Variants in CCDC88A observed in about 807,000 individuals in gnomAD.
CCDC88A encodes the protein coiled-coil and HOOK domain protein 88A.
Under a neutral mutation model 234.3 loss-of-function variants are expected in CCDC88A, and 54 were observed. The ratio of observed to expected loss-of-function variants is 0.23; its 90% confidence interval spans 0.19 to 0.29. The LOEUF is 0.29. CCDC88A is among the 10% of genes least tolerant of loss of function. The pLI, the probability that CCDC88A is intolerant of heterozygous loss-of-function variation, is 1.00. For missense variants in CCDC88A, 1,832 were observed against 2,123.4 expected (o/e 0.86, Z 2.70); for synonymous variants, 753 against 737.8 (o/e 1.02, Z -0.33).
intron 29 of CCDC88A, 156 bp downstream of exon 29, chr2:55,299,683 G>T: frequency 1.7e-6 from 1 of 574,582 alleles, no homozygotes; most frequent in Non-Finnish European, 3.1e-6. Context: ...AAATACATTT[G>T]TATTACAATG....
At chr2:55,293,173 G>C (rs1412344000) in intron 31 of CCDC88A, among the ~76,000 whole-genome samples, 1 of 152,048 alleles carries the variant, frequency 6.6e-6, no homozygotes, top group Non-Finnish European at 1.5e-5. Flanking sequence ...ATTTTGAAGT[G>C]TTATGGTCAG....
At chr2:55,297,675 T>C (rs1277033259) in intron 29 of CCDC88A, among the ~76,000 whole-genome samples, 1 of 151,482 alleles carries the variant, frequency 6.6e-6, no homozygotes, top group Non-Finnish European at 1.5e-5. Context: ...CCTCACAAAG[T>C]GCTGGGATTA....
At chr2:55,322,839 T>C (rs897122821) in intron 17 of CCDC88A, 147 bp from the exon 18 acceptor site, 1 of 440,050 alleles carries the variant, frequency 2.3e-6, no homozygotes, top group South Asian at 7.8e-5. Flanking sequence ...GATTTATGCT[T>C]TTTAAAATGT....
At chr2:55,350,882 C>T (rs934316844) in intron 8 of CCDC88A, among the ~76,000 whole-genome samples, 15 of 152,018 alleles carry the variant, frequency 9.9e-5, no homozygotes, top group African/African-American at 3.6e-4. Flanking sequence ...GAGCTCCTGG[C>T]CTCAAGCAAT....
chr2:55,418,774 T>C, intron 2 of CCDC88A, 42 bp downstream of exon 2: 3 of 1,483,486 alleles, frequency 2.0e-6, no homozygotes, highest in Non-Finnish European at 2.8e-6. Flanking sequence ...CATATGCTAT[T>C]TCTCAAAGAA....
At chr2:55,412,929 G>A (rs951441478) in intron 2 of CCDC88A, among the ~76,000 whole-genome samples, 6 of 152,310 alleles carry the variant, frequency 3.9e-5, no homozygotes, top group African/African-American at 1.2e-4. Flanking sequence ...TCGGCCAGGC[G>A]CAGTGGCTCA....
chr2:55,383,693 C>T (rs1269140498), intron 3 of CCDC88A, among the ~76,000 whole-genome samples: 1 of 151,564 alleles, frequency 6.6e-6, no homozygotes, highest in Middle Eastern at 3.2e-3. Context: ...AATACATCTT[C>T]TCAGGGGCAT....
chr2:55,355,360 T>A (rs561875996), intron 8 of CCDC88A: 2 of 463,106 alleles, frequency 4.3e-6, no homozygotes, highest in South Asian at 2.7e-5. Flanking sequence ...AAAAAATACA[T>A]ACTAGAATGC....
chr2:55,346,565 T>C (rs1436351041), intron 9 of CCDC88A, among the ~76,000 whole-genome samples: 1 of 151,466 alleles, frequency 6.6e-6, no homozygotes, highest in Non-Finnish European at 1.5e-5. Context: ...GATTAAAAGC[T>C]CCCCCCACCA....
rs1372159107 is a variant in CCDC88A, at chr2:55,309,749, C to T, written c.4080-495G>A. Among the ~76,000 whole-genome samples the T allele has an allele frequency of 6.6e-6, 1 of 152,038 alleles. No individual in the cohort carries two copies. Among genetic ancestry groups the T allele is most frequent in the Non-Finnish European group, 1.5e-5 (1 of 68,006 alleles). ...AAGTATTGTCTCTAAGAAAACCCCA[C>T]AATGCCAAAGAATACTATTTACTTC... is the stretch of plus-strand genomic sequence containing the variant. On this transcript the variant is annotated intron_variant, in intron 23 of 32. Coordinates refer to ENST00000436346, the MANE Select transcript of CCDC88A (RefSeq NM_001365480.1). This position sits in a 1 kb window ranked among gnomAD's most constrained non-coding sequence, Gnocchi z 5.1.
intron 2 of CCDC88A, among the ~76,000 whole-genome samples, chr2:55,393,410 C>T (rs1677018289): frequency 6.9e-6 from 1 of 145,822 alleles, no homozygotes; most frequent in Non-Finnish European, 1.5e-5. Flanking sequence ...CATGTCTCAG[C>T]CTCCTGAGTA....
At position 55,288,896 on chromosome 2, in the gene CCDC88A, T is replaced by C. The variant is rs182310007; in HGVS notation, c.*2304A>G. The C allele has an allele frequency of 8.5e-5, 13 of 152,316 alleles. No homozygotes were observed. Among genetic ancestry groups the C allele is most frequent in the African/African-American group, 1.9e-4 (8 of 41,586 alleles). 9.4% of individuals were successfully genotyped at this position (152,316 alleles called of 1,614,324 possible). ...GGAGAAGAGTGGCTTCCTACAAAGT[T>C]TGCTTCTCAAGGTATACTGGAGAAA... On this transcript the variant is annotated 3_prime_UTR_variant, in exon 33 of 33. Coordinates refer to ENST00000436346, the MANE Select transcript of CCDC88A (RefSeq NM_001365480.1).
chr2:55,352,819 T>C (rs377697053), intron 8 of CCDC88A, among the ~76,000 whole-genome samples: 2 of 137,772 alleles, frequency 1.5e-5, no homozygotes, highest in East Asian at 2.6e-4. Flanking sequence ...ATGAGTATGC[T>C]GTTAATTTGC....
Position 55,370,989 on chromosome 2 carries a change from G to A in CCDC88A, c.402+1463C>T, listed in dbSNP as rs1396729559. On this transcript the variant is annotated intron_variant, in intron 5 of 32. Coordinates refer to ENST00000436346, the MANE Select transcript of CCDC88A (RefSeq NM_001365480.1). ...TGATCATGACACTGCACTCCTGCCTGACAGAGTGAGACCCTGTCTCAAAAA... is the reference window on the plus strand; with the variant it reads ...TGATCATGACACTGCACTCCTGCCTAACAGAGTGAGACCCTGTCTCAAAAA... Among the ~76,000 whole-genome samples the A allele has an allele frequency of 3.3e-5, 5 of 152,234 alleles. No homozygotes were observed. The East Asian group carries it at 9.6e-4, about 29-fold the overall frequency.
At chr2:55,364,975 A>T (rs763843111) in intron 5 of CCDC88A, among the ~76,000 whole-genome samples, 14 of 152,162 alleles carry the variant, frequency 9.2e-5, no homozygotes, top group Non-Finnish European at 1.3e-4. Context: ...TCACAAAATT[A>T]CAAACTAGCT....
chr2:55,404,599 T>G (rs1055638607), intron 2 of CCDC88A: 5 of 152,132 alleles, frequency 3.3e-5, no homozygotes, highest in Non-Finnish European at 7.4e-5. Flanking sequence ...TGAGATGCAA[T>G]GAACCAAGTT....
intron 16 of CCDC88A, chr2:55,330,236 G>C (rs753360118): frequency 6.6e-6 from 1 of 152,060 alleles, no homozygotes; most frequent in Non-Finnish European, 1.5e-5. Context: ...GGTGGCTCAT[G>C]TCTGTAATAC....
intron 17 of CCDC88A, chr2:55,324,099 T>G (rs1683967536): frequency 6.6e-6 from 1 of 152,176 alleles, no homozygotes; most frequent in Non-Finnish European, 1.5e-5. Flanking sequence ...ATCTTTATAT[T>G]CAGAGTCTAA....
In CCDC88A at chr2:55,301,931, T is replaced by G; in HGVS notation, c.4613A>C (p.Asn1538Thr). Residue 1538 changes from asparagine to threonine, a missense_variant, in exon 27 of 33, where the codon AAC becomes ACC. Physicochemically the swap from Asn to Thr is moderately conservative, Grantham distance 65. Around this residue, in one of 6 missense-constraint regions of CCDC88A, gnomAD observed 422 missense variants for 416.5 expected, o/e 1.01. Coordinates refer to ENST00000436346, the MANE Select transcript of CCDC88A (RefSeq NM_001365480.1). ...TGCAGAAGAGTTGACAGTTGAAAAG[T>G]TGATGGCTGTAGTAGAGAAGGCCAT... ...GAMAFSTTAINFSTVNSSAGF... is the reference protein window; with the variant it reads ...GAMAFSTTAITFSTVNSSAGF... 6.2e-7 allele frequency: 1 copy of G among 1,614,224 alleles called. No individual in the cohort carries two copies. The highest frequency in any genetic ancestry group is 8.5e-7 in the Non-Finnish European group (1 of 1,180,038).
Sources: gnomAD v4.1 joint callset for allele counts (sites outside exome capture counted in the v4.1 genomes callset) on GRCh38, gnomAD v4.1.1 for gene constraint, gnomAD v4.1.1 regional missense constraint, Gnocchi (gnomAD v3.1) non-coding constraint, MANE v1.5 for transcripts, NCBI Gene and HGNC (gene_info 2026-07-23, HGNC 2026-07-21) for gene names.